KCNU1: variants seen among roughly 807,000 people sequenced by gnomAD.
KCNU1 encodes the protein potassium channel subfamily U member 1.
Under a neutral mutation model 126.8 loss-of-function variants are expected in KCNU1, and 93 were observed. The ratio of observed to expected loss-of-function variants is 0.73; its 90% confidence interval spans 0.62 to 0.87. KCNU1 has a LOEUF of 0.87. Ranked by LOEUF, KCNU1 falls within the 40% of genes least tolerant of loss-of-function variation. KCNU1 has a pLI of 0.00. For missense variants in KCNU1, 1,330 were observed against 1,367.1 expected (o/e 0.97, Z 0.43); for synonymous variants, 523 against 494.2 (o/e 1.06, Z -0.77).
chr8:36,897,626 T>G (rs1243132499), intron 19 of KCNU1, among the ~76,000 whole-genome samples: 1 of 151,948 alleles, frequency 6.6e-6, no homozygotes, highest in East Asian at 1.9e-4. Context: ...ACCTTTAATT[T>G]AAAAAACTAA....
chr8:36,816,971 AC>A (rs1315638648), intron 9 of KCNU1, among the ~76,000 whole-genome samples: 1 of 151,946 alleles, frequency 6.6e-6, no homozygotes, highest in African/African-American at 2.4e-5. Flanking sequence ...ACAACAAAAA[AC>A]CCTCTCTCAG....
intron 25 of KCNU1, 56 bp downstream of exon 25, chr8:36,931,201 T>G: frequency 7.6e-7 from 1 of 1,322,058 alleles, no homozygotes; most frequent in Non-Finnish European, 1.0e-6. Context: ...TCTGAGCTTC[T>G]GAAAATGGTC....
chr8:36,871,120 C>T (rs1291539483), intron 19 of KCNU1, among the ~76,000 whole-genome samples: 5 of 152,028 alleles, frequency 3.3e-5, no homozygotes, highest in Non-Finnish European at 7.4e-5. Context: ...AATATATTCT[C>T]ATATAATTAT....
intron 18 of KCNU1, among the ~76,000 whole-genome samples, chr8:36,855,847 A>G (rs940791511): frequency 2.0e-5 from 3 of 152,126 alleles, no homozygotes; most frequent in Admixed American, 2.0e-4. Flanking sequence ...TTATTTCAGC[A>G]CTTTTCAATG....
chr8:36,807,982 T>A (rs932002781), intron 6 of KCNU1, among the ~76,000 whole-genome samples: 1 of 152,192 alleles, frequency 6.6e-6, no homozygotes, highest in Admixed American at 6.5e-5. Context: ...GCAATACTTG[T>A]AAAATTTTGA....
chr8:36,806,403 T>G (rs1585395834), intron 5 of KCNU1, 23 bp downstream of exon 5: 68 of 1,183,516 alleles, frequency 5.7e-5, no homozygotes, highest in Non-Finnish European at 7.5e-5. Flanking sequence ...TGGGAACGGG[T>G]AGCAATATCT....
Position 36,787,341 on chromosome 8 carries a change from T to A in KCNU1, c.231T>A (p.His77Gln), listed in dbSNP as rs374074583. ...LFTSGTIARS[H>Q]VRSLHFQGQF... Reference sequence around the variant, plus strand: ...CATCAGGTACCATCGCTAGGAGCCATGTAAGAAGCCTCCACTTCCAGGGAC... The same window carrying A: ...CATCAGGTACCATCGCTAGGAGCCAAGTAAGAAGCCTCCACTTCCAGGGAC... The change falls in exon 2 of 27, where the codon CAT (histidine) becomes CAA (glutamine). Residue 77 changes from histidine to glutamine, a missense_variant. Around this residue, in one of 3 missense-constraint regions of KCNU1, gnomAD observed 247 missense variants for 255.4 expected, o/e 0.97. Transcript: ENST00000399881. 35 of 1,612,392 alleles carry A rather than the reference T, an allele frequency of 2.2e-5. No homozygotes were observed. The African/African-American group carries it at 4.4e-4, about 20-fold the overall frequency.
chr8:36,786,868 T>G (rs559557449), intron 1 of KCNU1, among the ~76,000 whole-genome samples: 79 of 152,302 alleles, frequency 5.2e-4, no homozygotes, highest in African/African-American at 1.8e-3. Context: ...TGCTGAAAAC[T>G]TCCCCCTTCT....
intron 10 of KCNU1, among the ~76,000 whole-genome samples, chr8:36,823,708 A>G (rs1385467930): frequency 6.6e-6 from 1 of 152,088 alleles, no homozygotes; most frequent in Non-Finnish European, 1.5e-5. Context: ...TAATAATACA[A>G]TAGGAACAAA....
At chr8:36,836,457 GT>G (rs1804752882) in intron 13 of KCNU1, 92 bp downstream of exon 13, 5 of 891,786 alleles carry the variant, frequency 5.6e-6, no homozygotes, top group Non-Finnish European at 8.7e-6. Flanking sequence ...TAAATAAAAA[GT>G]TTTTGCTAAT....
At chr8:36,916,557 C>A (rs1366689900) in intron 22 of KCNU1, among the ~76,000 whole-genome samples, 1 of 152,060 alleles carries the variant, frequency 6.6e-6, no homozygotes, top group African/African-American at 2.4e-5. Flanking sequence ...ACTTTAATTC[C>A]CCCAAGTCTT....
In KCNU1 at chr8:36,909,429, A is replaced by T. The variant is rs1488889628; in HGVS notation, c.2225A>T (p.Asn742Ile). The T allele has an allele frequency of 1.2e-6, 2 of 1,613,236 alleles. No individual in the cohort carries two copies. Among genetic ancestry groups the T allele is most frequent in the Non-Finnish European group, 1.7e-6 (2 of 1,179,190 alleles). ...RNFVMPLRAS[N>I]YTRKELKDIV... is the part of the protein sequence containing the mutation. Reference sequence around the variant, plus strand: ...TTTGTAATGCCCTTGAGAGCCAGCAACTATACCAGGAAGGAGCTGAAGGAC... The same window carrying T: ...TTTGTAATGCCCTTGAGAGCCAGCATCTATACCAGGAAGGAGCTGAAGGAC... Residue 742 changes from asparagine to isoleucine, a missense_variant, in exon 21 of 27, where the codon AAC (asparagine) becomes ATC (isoleucine). By Grantham distance (149) the Asn-to-Ile change is moderately radical. Coordinates refer to ENST00000399881, the MANE Select transcript of KCNU1 (RefSeq NM_001031836.3).
chr8:36,828,073 T>A (rs1370827177), intron 10 of KCNU1, among the ~76,000 whole-genome samples: 1 of 152,144 alleles, frequency 6.6e-6, no homozygotes, highest in African/African-American at 2.4e-5. Context: ...AGTCAAAGAT[T>A]CAATATTTTC....
intron 19 of KCNU1, among the ~76,000 whole-genome samples, chr8:36,904,761 T>C (rs78981301): frequency 0.017 from 2,582 of 152,228 alleles, 80 homozygotes; most frequent in African/African-American, 0.059. Context: ...AGGATGCATG[T>C]TCCAGATGTT....
In KCNU1 at chr8:36,926,478, G is replaced by A. The variant is rs535609103; in HGVS notation, c.2736+3849G>A. On this transcript the variant is annotated intron_variant, in intron 24 of 26. Transcript: ENST00000399881. ...CACTTTCATCTGTGGTATATTAGAG[G>A]CGCCTGCATAAGATTCAATTGCACA... Among the ~76,000 whole-genome samples the A allele has an allele frequency of 1.2e-4, 18 of 152,136 alleles. No individual in the cohort carries two copies. The South Asian group carries it at 2.3e-3, about 19-fold the overall frequency.
At chr8:36,871,618 C>T (rs1336284712) in intron 19 of KCNU1, among the ~76,000 whole-genome samples, 2 of 152,058 alleles carry the variant, frequency 1.3e-5, no homozygotes, top group African/African-American at 2.4e-5. Flanking sequence ...GCTTCACAGA[C>T]TATAATAAAG....
intron 18 of KCNU1, among the ~76,000 whole-genome samples, chr8:36,855,520 G>T (rs1423380232): frequency 6.6e-6 from 1 of 152,148 alleles, no homozygotes; most frequent in Non-Finnish European, 1.5e-5. Context: ...AGAATATGGA[G>T]TATTATGTTT....
chr8:36,822,968 G>A (rs545814552), intron 10 of KCNU1, among the ~76,000 whole-genome samples: 6 of 152,302 alleles, frequency 3.9e-5, no homozygotes, highest in Admixed American at 3.9e-4. Context: ...GAAGAAATCA[G>A]TTCTCAGATG....
Position 36,897,890 on chromosome 8 carries a change from G to A in KCNU1, c.2010-7818G>A, listed in dbSNP as rs1191915283. On this transcript the variant is annotated intron_variant, in intron 19 of 26. Coordinates refer to ENST00000399881, the MANE Select transcript of KCNU1 (RefSeq NM_001031836.3). ...TAGCCATTGTGTAACACACAGATGGGGAGGACTCCATGTCGTGAGTGATCC... is the reference window on the plus strand; with the variant it reads ...TAGCCATTGTGTAACACACAGATGGAGAGGACTCCATGTCGTGAGTGATCC... Among the ~76,000 whole-genome samples, 4 of 152,072 alleles carry A rather than the reference G, an allele frequency of 2.6e-5. No homozygotes were observed. In the East Asian group the frequency reaches 7.7e-4, roughly 29 times the overall value.
Sources: gnomAD v4.1 joint callset for allele counts (sites outside exome capture counted in the v4.1 genomes callset) on GRCh38, gnomAD v4.1.1 for gene constraint, gnomAD v4.1.1 regional missense constraint, MANE v1.5 for transcripts, NCBI Gene and HGNC (gene_info 2026-07-23, HGNC 2026-07-21) for gene names.